The following ARHGAP42 variants were observed in gnomAD, a reference collection of about 807,000 sequenced individuals.
The protein encoded by ARHGAP42 is Rho GTPase activating protein 42, also known as rho GTPase-activating protein 42.
A neutral mutation model predicts 125.0 loss-of-function variants in ARHGAP42; 63 were observed. That is an observed-to-expected ratio of 0.50 (90% CI 0.41 to 0.62). The LOEUF (loss-of-function observed/expected upper bound fraction) is 0.62, where lower values mean the gene tolerates loss of function less well. ARHGAP42 is among the 20% of genes least tolerant of loss of function. The probability of loss-of-function intolerance (pLI) is 0.00; values close to 1 mark genes in which losing one functional copy is unlikely to be tolerated. For synonymous variants in ARHGAP42, 339 were observed against 351.0 expected (o/e 0.97, Z 0.38); for missense variants, 766 against 1,024.2 (o/e 0.75, Z 3.44).
chr11:100,921,247 T>A (rs10750598), intron 5 of ARHGAP42, among the ~76,000 whole-genome samples: 69 of 34,088 alleles, frequency 2.0e-3, no homozygotes, highest in Admixed American at 3.9e-3. Context: ...ATATATATAT[T>A]TTTTTTTTTT....
chr11:100,857,838 C>A (rs575799978), intron 3 of ARHGAP42, among the ~76,000 whole-genome samples: 3 of 152,188 alleles, frequency 2.0e-5, no homozygotes, highest in African/African-American at 7.2e-5. Flanking sequence ...AACCCGTCCT[C>A]GTTCCTTATC....
intron 1 of ARHGAP42, among the ~76,000 whole-genome samples, chr11:100,742,814 T>C (rs1312889150): frequency 2.0e-5 from 3 of 152,226 alleles, no homozygotes; most frequent in Non-Finnish European, 4.4e-5. Flanking sequence ...TTTATCATTA[T>C]ATTATGACTA....
At chr11:100,812,527 T>A (rs1437251679) in intron 3 of ARHGAP42, among the ~76,000 whole-genome samples, 1 of 152,154 alleles carries the variant, frequency 6.6e-6, no homozygotes, top group East Asian at 1.9e-4. Flanking sequence ...CTAGGATAGG[T>A]AGCAGAGGGG....
intron 1 of ARHGAP42, among the ~76,000 whole-genome samples, chr11:100,707,716 G>A (rs1480114712): frequency 6.6e-6 from 1 of 152,208 alleles, no homozygotes; most frequent in Non-Finnish European, 1.5e-5. Context: ...CACTTGCTGT[G>A]TGTCAGGTAC....
chr11:100,725,197 A>G (rs1426131521), intron 1 of ARHGAP42, among the ~76,000 whole-genome samples: 4 of 149,300 alleles, frequency 2.7e-5, no homozygotes, highest in Non-Finnish European at 5.9e-5. Context: ...TTGGAGACAG[A>G]GTCTTGCTCT....
chr11:100,763,944 A>T (rs994007345), intron 1 of ARHGAP42, among the ~76,000 whole-genome samples: 2 of 151,932 alleles, frequency 1.3e-5, no homozygotes, highest in African/African-American at 4.8e-5. Context: ...GGATTCGTTA[A>T]ATGTTGTAAG....
At chr11:100,878,627 C>T (rs905815049) in intron 4 of ARHGAP42, among the ~76,000 whole-genome samples, 1 of 152,088 alleles carries the variant, frequency 6.6e-6, no homozygotes, top group African/African-American at 2.4e-5. Flanking sequence ...CATTTGAGGT[C>T]ATAAAAGTAG....
At chr11:100,767,875 ACTGT>A (rs1457102079) in intron 1 of ARHGAP42, among the ~76,000 whole-genome samples, 1 of 152,150 alleles carries the variant, frequency 6.6e-6, no homozygotes, top group Non-Finnish European at 1.5e-5. Flanking sequence ...TAAAAACGAA[ACTGT>A]CTAATATATG....
chr11:100,821,513 T>C (rs1864405150), intron 3 of ARHGAP42, among the ~76,000 whole-genome samples: 1 of 151,726 alleles, frequency 6.6e-6, no homozygotes, highest in South Asian at 2.1e-4. Context: ...CCCATTGTTC[T>C]ATCAGTAGGA....
chr11:100,873,268 T>G (rs1254591695), intron 4 of ARHGAP42, among the ~76,000 whole-genome samples: 1 of 152,226 alleles, frequency 6.6e-6, no homozygotes, highest in African/African-American at 2.4e-5. Flanking sequence ...TTTCTTTCTT[T>G]TTGGAGAATG....
intron 8 of ARHGAP42, among the ~76,000 whole-genome samples, chr11:100,941,460 C>A (rs955356896): frequency 6.6e-6 from 1 of 152,112 alleles, no homozygotes; most frequent in Non-Finnish European, 1.5e-5. Flanking sequence ...TTAAACAACT[C>A]GGACTCATTC....
intron 4 of ARHGAP42, among the ~76,000 whole-genome samples, chr11:100,903,750 ATATATG>A (rs1454651157): frequency 4.4e-4 from 51 of 115,342 alleles, no homozygotes; most frequent in African/African-American, 1.5e-3. Context: ...ATATATATAT[ATATATG>A]TATGTAAAGG....
At chr11:100,943,590 T>C (rs948712912) in intron 9 of ARHGAP42, among the ~76,000 whole-genome samples, 169 bp from the exon 10 acceptor site, 5 of 152,164 alleles carry the variant, frequency 3.3e-5, no homozygotes, top group Non-Finnish European at 5.9e-5. Context: ...TTTTATGTAT[T>C]ATGATCGGAC....
chr11:100,709,143 G>A lies in ARHGAP42; in HGVS notation c.154+21311G>A, dbSNP rs558213659. On this transcript the variant is annotated intron_variant, in intron 1 of 23. Transcript: ENST00000298815. ...CAACCCCTGCCTCCTGGTTTCAAGC[G>A]ATTCTCCTGCCTCAGCCTCCTGAGT... 5.9e-4 allele frequency among the ~76,000 whole-genome samples: 90 copies of A among 152,182 alleles called. 1 individual carries two copies. Among genetic ancestry groups the A allele is most frequent in the Non-Finnish European group, 9.3e-4 (63 of 68,006 alleles).
chr11:100,769,712 CTTTTTTT>C (rs140626690), intron 1 of ARHGAP42, among the ~76,000 whole-genome samples: 65 of 78,088 alleles, frequency 8.3e-4, no homozygotes, highest in African/African-American at 1.1e-3. Flanking sequence ...AGCATTCCTT[CTTTTTTT>C]TTTTTTTTTT....
intron 1 of ARHGAP42, among the ~76,000 whole-genome samples, chr11:100,761,006 C>T (rs1862689946): frequency 6.6e-6 from 1 of 151,922 alleles, no homozygotes; most frequent in African/African-American, 2.4e-5. Context: ...TGTACTGGGG[C>T]AGTGGTATGG....
At chr11:100,838,099 T>C (rs1406941858) in intron 3 of ARHGAP42, among the ~76,000 whole-genome samples, 1 of 151,900 alleles carries the variant, frequency 6.6e-6, no homozygotes. Context: ...TTGTTTCCCA[T>C]TGCATTGACG....
At chr11:100,930,642 G>T (rs1231637879) in intron 6 of ARHGAP42, among the ~76,000 whole-genome samples, 1 of 152,272 alleles carries the variant, frequency 6.6e-6, no homozygotes, top group East Asian at 1.9e-4. Context: ...AAATGCTGAG[G>T]ATATAGAATA....
chr11:100,840,580 T>C (rs1864921352), intron 3 of ARHGAP42: 1 of 152,146 alleles, frequency 6.6e-6, no homozygotes, highest in South Asian at 2.1e-4. Flanking sequence ...AAAGGGTACA[T>C]ATGACCAAGA....
Sources: gnomAD v4.1 joint callset for allele counts (sites outside exome capture counted in the v4.1 genomes callset) on GRCh38, gnomAD v4.1.1 for gene constraint, MANE v1.5 for transcripts, NCBI Gene and HGNC (gene_info 2026-07-23, HGNC 2026-07-21) for gene names.